The following HIP1 variants were observed in gnomAD, a reference collection of about 807,000 sequenced individuals.
HIP1 encodes huntingtin-interacting protein 1.
HIP1 carries 65 observed loss-of-function variants against 147.6 expected under a neutral mutation model. The observed-to-expected ratio is 0.44, with a 90% CI of 0.36 to 0.54. The LOEUF (loss-of-function observed/expected upper bound fraction) is 0.54. Ranked by LOEUF, HIP1 falls within the 20% of genes least tolerant of loss-of-function variation. HIP1 has a pLI of 0.00. For missense variants in HIP1, 1,061 were observed against 1,299.6 expected (o/e 0.82, Z 2.82); for synonymous variants, 479 against 504.0 (o/e 0.95, Z 0.67).
chr7:75,693,797 G>A (rs1554518466), intron 1 of HIP1, among the ~76,000 whole-genome samples: 2 of 151,574 alleles, frequency 1.3e-5, no homozygotes, highest in Non-Finnish European at 2.9e-5. Flanking sequence ...GGGAGGGGGA[G>A]AGAAAGAGAG....
At chr7:75,571,614 G>A (rs782592277) in intron 8 of HIP1, among the ~76,000 whole-genome samples, 54 of 152,150 alleles carry the variant, frequency 3.5e-4, no homozygotes, top group East Asian at 7.7e-4. Flanking sequence ...GCACGGTCTC[G>A]TTCTGTTGCC....
intron 1 of HIP1, among the ~76,000 whole-genome samples, chr7:75,695,615 C>T (rs901296949): frequency 1.2e-4 from 19 of 152,022 alleles, no homozygotes; most frequent in Non-Finnish European, 1.5e-4. Context: ...CACTCTATCA[C>T]CCAGGCTGGA....
intron 1 of HIP1, among the ~76,000 whole-genome samples, chr7:75,659,863 C>T (rs1799251539): frequency 6.6e-6 from 1 of 151,256 alleles, no homozygotes; most frequent in South Asian, 2.1e-4. Flanking sequence ...GGTGGTGGCT[C>T]ACACCTGTAA....
chr7:75,572,891 G>C (rs1332755219), intron 8 of HIP1, among the ~76,000 whole-genome samples: 3 of 152,190 alleles, frequency 2.0e-5, no homozygotes, highest in Non-Finnish European at 4.4e-5. Flanking sequence ...TTCAGGGCCT[G>C]AGAAGGCTCT....
chr7:75,554,510 C>A lies in HIP1; in HGVS notation c.1980G>T (p.Thr660=). 2 of 1,613,576 alleles carry A rather than the reference C, an allele frequency of 1.2e-6. No homozygotes were observed. Among genetic ancestry groups the A allele is most frequent in the Non-Finnish European group, 1.7e-6 (2 of 1,179,774 alleles). ...CGATGCAGCTGGAAATGGATGTGAC[C>A]GTGGAGAGGAGGTGATCTGTGAGAG... ...CAGSADHLLS[T]VTSISSCIEQ... Residue 660 remains threonine (T), a synonymous_variant, in exon 20 of 31, where the codon ACG becomes ACT. Coordinates refer to ENST00000336926, the MANE Select transcript of HIP1 (RefSeq NM_005338.7).
At chr7:75,565,848 C>CGA (rs1563206899) in intron 9 of HIP1, among the ~76,000 whole-genome samples, 3 of 146,678 alleles carry the variant, frequency 2.0e-5, no homozygotes, top group African/African-American at 8.2e-5. Flanking sequence ...TCTCCTGCCT[C>CGA]AGCCTCCTGA....
At chr7:75,712,744 C>T (rs1801195891) in intron 1 of HIP1, among the ~76,000 whole-genome samples, 3 of 152,060 alleles carry the variant, frequency 2.0e-5, no homozygotes, top group African/African-American at 7.2e-5. Flanking sequence ...TCATTCAATC[C>T]CTCATTCACT....
intron 4 of HIP1, among the ~76,000 whole-genome samples, chr7:75,589,039 A>G (rs1796383629): frequency 6.6e-6 from 1 of 151,798 alleles, no homozygotes; most frequent in African/African-American, 2.4e-5. Context: ...AATCCCAGCT[A>G]CTTGGGAGGC....
chr7:75,553,355 G>T, intron 22 of HIP1, 98 bp downstream of exon 22: 1 of 1,410,106 alleles, frequency 7.1e-7, no homozygotes, highest in Non-Finnish European at 9.7e-7. Flanking sequence ...TCTAAGTGCA[G>T]AAAGAACTAG....
At chr7:75,629,292 G>A (rs1366666534) in intron 1 of HIP1, among the ~76,000 whole-genome samples, 4 of 152,124 alleles carry the variant, frequency 2.6e-5, no homozygotes, top group East Asian at 1.9e-4. Context: ...AGGCAGCCCC[G>A]CTTACTGGCT....
chr7:75,553,086 C>A (rs1366288252), intron 22 of HIP1, among the ~76,000 whole-genome samples: 1 of 152,030 alleles, frequency 6.6e-6, no homozygotes, highest in East Asian at 1.9e-4. Context: ...TATAGGCATG[C>A]ACCACTATGC....
intron 1 of HIP1, among the ~76,000 whole-genome samples, chr7:75,694,101 G>A (rs552572442): frequency 7.2e-5 from 11 of 151,836 alleles, no homozygotes. Flanking sequence ...TATATTTTTG[G>A]TAGAGACGGG....
At chr7:75,665,679 G>C (rs1799535869) in intron 1 of HIP1, among the ~76,000 whole-genome samples, 1 of 151,716 alleles carries the variant, frequency 6.6e-6, no homozygotes, top group African/African-American at 2.4e-5. Flanking sequence ...AGCTGGGATT[G>C]CAGGCATGCC....
At chr7:75,735,694 C>CT (rs375997502) in intron 1 of HIP1, among the ~76,000 whole-genome samples, 1,913 of 147,846 alleles carry the variant, frequency 0.013, 42 homozygotes, top group African/African-American at 0.044. Context: ...TTTTCTTTTT[C>CT]TTTTTTTTTT....
intron 1 of HIP1, among the ~76,000 whole-genome samples, chr7:75,719,640 C>T (rs551365467): frequency 3.9e-5 from 6 of 152,212 alleles, no homozygotes; most frequent in African/African-American, 1.2e-4. Flanking sequence ...AGGCTGGTGT[C>T]GAACTCCTGG....
intron 1 of HIP1, among the ~76,000 whole-genome samples, chr7:75,716,972 C>T (rs558061806): frequency 1.4e-3 from 207 of 152,222 alleles, no homozygotes; most frequent in Non-Finnish European, 2.3e-3. Flanking sequence ...CATGCCACCA[C>T]ACCCAGCTAA....
chr7:75,599,311 G>T, intron 1 of HIP1, 64 bp from the exon 2 acceptor site: 1 of 1,262,716 alleles, frequency 7.9e-7, no homozygotes, highest in African/African-American at 1.5e-5. Context: ...GAGTGGCTGA[G>T]ACCCTCCCAG....
intron 1 of HIP1, among the ~76,000 whole-genome samples, chr7:75,736,064 T>TCA: frequency 6.9e-6 from 1 of 144,036 alleles, no homozygotes; most frequent in African/African-American, 2.6e-5. Flanking sequence ...GACCTCCGTC[T>TCA]TAAAAAAAAA....
intron 27 of HIP1, among the ~76,000 whole-genome samples, chr7:75,543,818 G>A (rs1408265207): frequency 2.6e-5 from 4 of 152,136 alleles, no homozygotes; most frequent in Non-Finnish European, 4.4e-5. Context: ...GGAAAGCCAC[G>A]AGGGACATGT....
Sources: gnomAD v4.1 joint callset for allele counts (sites outside exome capture counted in the v4.1 genomes callset) on GRCh38, gnomAD v4.1.1 for gene constraint, MANE v1.5 for transcripts, NCBI Gene and HGNC (gene_info 2026-07-23, HGNC 2026-07-21) for gene names.